Variants in TWIST2 observed in about 807,000 individuals in gnomAD.
TWIST2 encodes the protein twist family bHLH transcription factor 2, also known as twist-related protein 2.
A neutral mutation model predicts 11.6 loss-of-function variants in TWIST2; 1 was observed. The observed-to-expected ratio is 0.09, with a 90% confidence interval of 0.03 to 0.41. The LOEUF is 0.41. Among genes scored for constraint, TWIST2 ranks in the 10% least tolerant of loss-of-function variants. The pLI, the probability that TWIST2 is intolerant of heterozygous loss-of-function variation, is 0.98. For synonymous variants in TWIST2, 87 were observed against 96.6 expected, an observed-to-expected ratio of 0.90 and a Z score of 0.58; for missense variants, 168 against 226.4, an observed-to-expected ratio of 0.74 and a Z score of 1.66.
intron 1 of TWIST2, among the ~76,000 whole-genome samples, chr2:238,900,221 G>A (rs1693253082): frequency 6.6e-6 from 1 of 152,204 alleles, no homozygotes; most frequent in Admixed American, 6.5e-5. Context: ...TGGACAGCAT[G>A]AGAATTAAGA....
intron 1 of TWIST2, among the ~76,000 whole-genome samples, chr2:238,850,522 C>T (rs773639074): frequency 6.6e-6 from 1 of 152,200 alleles, no homozygotes; most frequent in Non-Finnish European, 1.5e-5. Context: ...TAAGACTGCC[C>T]TCCAGAAAAT....
intron 1 of TWIST2, among the ~76,000 whole-genome samples, chr2:238,873,138 C>G (rs1344510198): frequency 1.3e-5 from 2 of 152,220 alleles, no homozygotes; most frequent in African/African-American, 4.8e-5. Context: ...CTCCTGGACA[C>G]AGTAGGGAGG....
At chr2:238,903,507 G>A (rs1693305405) in intron 1 of TWIST2, among the ~76,000 whole-genome samples, 1 of 144,698 alleles carries the variant, frequency 6.9e-6, no homozygotes, top group African/African-American at 2.6e-5. Flanking sequence ...TGATGTGTGT[G>A]TGTGATGTGG....
chr2:238,857,277 C>A (rs958843118), intron 1 of TWIST2, among the ~76,000 whole-genome samples: 2 of 152,188 alleles, frequency 1.3e-5, no homozygotes, highest in African/African-American at 4.8e-5. Context: ...TGAGGCTGGA[C>A]GGGCCTTGGA....
At chr2:238,887,980 A>C (rs956870364) in intron 1 of TWIST2, among the ~76,000 whole-genome samples, 1 of 152,242 alleles carries the variant, frequency 6.6e-6, no homozygotes, top group Non-Finnish European at 1.5e-5. Flanking sequence ...TTGTCCTGAA[A>C]GCCTTATGCA....
At chr2:238,887,051 G>A (rs1693050829) in intron 1 of TWIST2, 2 of 152,120 alleles carry the variant, frequency 1.3e-5, no homozygotes, top group Non-Finnish European at 2.9e-5. Context: ...GGAACATGAA[G>A]CAGAGACTCT....
intron 1 of TWIST2, among the ~76,000 whole-genome samples, chr2:238,891,457 G>A (rs966156749): frequency 6.6e-6 from 1 of 152,174 alleles, no homozygotes; most frequent in African/African-American, 2.4e-5. Flanking sequence ...TCTGCATTTC[G>A]GCCTGGACTT....
chr2:238,907,312 G>A (rs1048851153), intron 1 of TWIST2, among the ~76,000 whole-genome samples: 11 of 152,150 alleles, frequency 7.2e-5, no homozygotes, highest in Admixed American at 3.3e-4. Context: ...CGCTGGCCCC[G>A]GCCACCTCTC....
At chr2:238,880,134 TGTGTTA>T (rs967542075) in intron 1 of TWIST2, among the ~76,000 whole-genome samples, 141 of 137,466 alleles carry the variant, frequency 1.0e-3, no homozygotes, top group South Asian at 5.8e-3. Flanking sequence ...TTAGTATTAG[TGTGTTA>T]GTGTTAGTGT....
At position 238,849,097 on chromosome 2, in the gene TWIST2, G is replaced by C. The variant is rs1283603175; in HGVS notation, c.*35+364G>C. Among the ~76,000 whole-genome samples the C allele has an allele frequency of 5.3e-5, 8 of 152,250 alleles. No homozygotes were observed. In the East Asian group the frequency reaches 1.6e-3, roughly 30 times the overall value. On this transcript the variant is annotated intron_variant, in intron 1 of 1. Coordinates refer to ENST00000612363, the MANE Select transcript of TWIST2 (RefSeq NM_001271893.4). ...CAGAAAAACCTCCTGGGGCCGGCTG[G>C]GGACTGGGATATGAGGACCAGCTGC...
At position 238,863,039 on chromosome 2, in the gene TWIST2, G is replaced by GT. The variant is rs372449837; in HGVS notation, c.*35+14319dup. On this transcript the variant is annotated intron_variant, in intron 1 of 1. Transcript: ENST00000612363. This position sits in a 1 kb window ranked among gnomAD's most constrained non-coding sequence, Gnocchi z 4.7. ...TGAAAGAGCTTCCTTTCCTTCTTATGTTTTTTTTTTTTTAATTTCTAGATT... is the reference window on the plus strand; with the variant it reads ...TGAAAGAGCTTCCTTTCCTTCTTATGTTTTTTTTTTTTTTAATTTCTAGATT... Among the ~76,000 whole-genome samples, 918 of 146,510 alleles carry GT rather than the reference G, an allele frequency of 6.3e-3. 10 individuals carry two copies. Among genetic ancestry groups the GT allele is most frequent in the African/African-American group, 0.019 (733 of 38,936 alleles).
chr2:238,899,384 G>A (rs1391194679), intron 1 of TWIST2, among the ~76,000 whole-genome samples: 3 of 152,276 alleles, frequency 2.0e-5, no homozygotes, highest in Non-Finnish European at 2.9e-5. Flanking sequence ...GCAAGGCCAA[G>A]CCTTTCTGGT....
intron 1 of TWIST2, among the ~76,000 whole-genome samples, chr2:238,856,983 G>A (rs757101182): frequency 6.6e-6 from 1 of 152,148 alleles, no homozygotes; most frequent in Non-Finnish European, 1.5e-5. Context: ...AGAGGGGGCC[G>A]TGTCTCTGAG....
At chr2:238,865,517 C>T (rs904984196) in intron 1 of TWIST2, among the ~76,000 whole-genome samples, 1 of 152,190 alleles carries the variant, frequency 6.6e-6, no homozygotes, top group African/African-American at 2.4e-5. Context: ...GATCGGGTAG[C>T]TTCAGCCTGG....
rs1692476977 is a variant in TWIST2, at chr2:238,863,830, C to G, written c.*35+15097C>G. ...AGGATCAAAAATGAAAACCACGTGTCCCCCTGGCCTTGTATGATGAATGAC... is the reference window on the plus strand; with the variant it reads ...AGGATCAAAAATGAAAACCACGTGTGCCCCTGGCCTTGTATGATGAATGAC... On this transcript the variant is annotated intron_variant, in intron 1 of 1. Transcript: ENST00000612363. This position sits in a 1 kb window ranked among gnomAD's most constrained non-coding sequence, Gnocchi z 4.7. 6.6e-6 allele frequency among the ~76,000 whole-genome samples: 1 copy of G among 152,138 alleles called. No homozygotes were observed. The highest frequency in any genetic ancestry group is 2.4e-5 in the African/African-American group (1 of 41,438).
At chr2:238,860,948 A>G (rs1356972018) in intron 1 of TWIST2, among the ~76,000 whole-genome samples, 1 of 152,086 alleles carries the variant, frequency 6.6e-6, no homozygotes, top group Admixed American at 6.5e-5. Flanking sequence ...AAAACAAACA[A>G]ACAAACAAAA....
At chr2:238,870,458 C>CA in intron 1 of TWIST2, among the ~76,000 whole-genome samples, 1 of 123,630 alleles carries the variant, frequency 8.1e-6, no homozygotes, top group Non-Finnish European at 1.7e-5. Flanking sequence ...CCCACACACA[C>CA]CACACACCCG....
chr2:238,908,717 A>AGC (rs1186159870), intron 1 of TWIST2, among the ~76,000 whole-genome samples: 9 of 92,122 alleles, frequency 9.8e-5, no homozygotes, highest in African/African-American at 5.3e-4. Context: ...TGTGCTGTGC[A>AGC]GTGTGTGTGT....
chr2:238,872,439 A>G (rs1316794138), intron 1 of TWIST2, among the ~76,000 whole-genome samples: 1 of 152,194 alleles, frequency 6.6e-6, no homozygotes. Flanking sequence ...AAGAAGGTTG[A>G]ATCCAAACCC....
Sources: gnomAD v4.1 joint callset for allele counts (sites outside exome capture counted in the v4.1 genomes callset) on GRCh38, gnomAD v4.1.1 for gene constraint, Gnocchi (gnomAD v3.1) non-coding constraint, MANE v1.5 for transcripts, NCBI Gene and HGNC (gene_info 2026-07-23, HGNC 2026-07-21) for gene names.